GRID2: variants seen among roughly 807,000 people sequenced by gnomAD.
GRID2 encodes the protein glutamate receptor ionotropic, delta-2.
Under a neutral mutation model 114.8 loss-of-function variants are expected in GRID2, and 33 were observed. The ratio of observed to expected loss-of-function variants is 0.29; its 90% CI spans 0.22 to 0.38. The LOEUF (loss-of-function observed/expected upper bound fraction) is 0.38, where lower values mean the gene tolerates loss of function less well. GRID2 is among the 10% of genes least tolerant of loss of function. The probability of loss-of-function intolerance (pLI) is 1.00; values close to 1 mark genes in which losing one functional copy is unlikely to be tolerated. For missense variants in GRID2, 1,184 were observed against 1,257.7 expected (o/e 0.94, Z 0.89); for synonymous variants, 505 against 449.9 (o/e 1.12, Z -1.55).
intron 2 of GRID2, among the ~76,000 whole-genome samples, chr4:92,594,267 A>T (rs1245510494): frequency 2.0e-5 from 3 of 151,854 alleles, no homozygotes; most frequent in African/African-American, 4.8e-5. Flanking sequence ...TTTGATATTT[A>T]TTTGCTATTT....
In GRID2 at chr4:93,211,573, C is replaced by T. The variant is rs74440585; in HGVS notation, c.789+4116C>T. Among the ~76,000 whole-genome samples the T allele has an allele frequency of 3.9e-3, 590 of 152,192 alleles. 4 individuals carry two copies. The highest frequency in any genetic ancestry group is 0.013 in the African/African-American group (552 of 41,552). The stretch of plus-strand genomic sequence containing the variant: ...AAGGAGACCTCAATTATTTTCTTAT[C>T]CTTCAAACTTAGGTTTTCTACTGTG... On this transcript the variant is annotated intron_variant, in intron 5 of 15. Transcript: ENST00000282020.
chr4:93,501,828 C>T (rs1362775466), intron 12 of GRID2, among the ~76,000 whole-genome samples: 1 of 152,016 alleles, frequency 6.6e-6, no homozygotes, highest in East Asian at 1.9e-4. Flanking sequence ...CAAGATGAAT[C>T]ATTCTAGACA....
intron 2 of GRID2, among the ~76,000 whole-genome samples, chr4:92,807,798 C>T (rs1486554260): frequency 6.6e-6 from 1 of 151,890 alleles, no homozygotes; most frequent in East Asian, 1.9e-4. Context: ...CATTTACCCA[C>T]ATGTTTATGT....
intron 8 of GRID2, among the ~76,000 whole-genome samples, chr4:93,367,501 A>T (rs1762456643): frequency 6.6e-6 from 1 of 152,184 alleles, no homozygotes; most frequent in Non-Finnish European, 1.5e-5. Context: ...GAAAATTACC[A>T]CATCCTTGGT....
chr4:92,756,291 A>G (rs1444793628), intron 2 of GRID2, among the ~76,000 whole-genome samples: 1 of 152,056 alleles, frequency 6.6e-6, no homozygotes, highest in Non-Finnish European at 1.5e-5. Context: ...TTTTTTAGCT[A>G]AATAGTATTT....
intron 13 of GRID2, among the ~76,000 whole-genome samples, chr4:93,531,195 G>A (rs1424197151): frequency 1.3e-5 from 2 of 152,050 alleles, no homozygotes. Flanking sequence ...CGAAGGCTAG[G>A]CTCAAACAAA....
At chr4:93,598,773 C>CTTTCTG (rs1169213698) in intron 13 of GRID2, among the ~76,000 whole-genome samples, 1 of 152,242 alleles carries the variant, frequency 6.6e-6, no homozygotes, top group African/African-American at 2.4e-5. Flanking sequence ...TCTTTCATAG[C>CTTTCTG]TTTCTGTTTC....
chr4:92,844,540 AATC>A (rs368354187), intron 2 of GRID2, among the ~76,000 whole-genome samples: 1 of 151,860 alleles, frequency 6.6e-6, no homozygotes, highest in African/African-American at 2.4e-5. Context: ...CTCTGTCTCT[AATC>A]ATCATCATCA....
At chr4:92,964,743 C>T (rs1473528349) in intron 2 of GRID2, among the ~76,000 whole-genome samples, 1 of 151,930 alleles carries the variant, frequency 6.6e-6, no homozygotes, top group Non-Finnish European at 1.5e-5. Flanking sequence ...CTGAAGCTTT[C>T]TGACCTCTCT....
intron 4 of GRID2, among the ~76,000 whole-genome samples, chr4:93,172,802 A>T (rs565605671): frequency 1.3e-5 from 2 of 152,242 alleles, no homozygotes; most frequent in Admixed American, 1.3e-4. Flanking sequence ...CCAAGACCAA[A>T]TGAGTCTCAG....
intron 2 of GRID2, among the ~76,000 whole-genome samples, chr4:92,855,264 C>A (rs1744095610): frequency 1.3e-5 from 2 of 152,000 alleles, no homozygotes; most frequent in South Asian, 4.1e-4. Context: ...CTGTATGTCA[C>A]TTTAGAGATA....
intron 4 of GRID2, among the ~76,000 whole-genome samples, chr4:93,144,044 T>C (rs116074761): frequency 0.012 from 1,776 of 152,306 alleles, 28 homozygotes; most frequent in African/African-American, 0.04. Context: ...AGCATGCATC[T>C]GAATTACTTG....
intron 13 of GRID2, among the ~76,000 whole-genome samples, chr4:93,526,898 T>G (rs1219504618): frequency 6.6e-6 from 1 of 152,204 alleles, no homozygotes; most frequent in Non-Finnish European, 1.5e-5. Flanking sequence ...ATGAATACAA[T>G]TTTTGTTTAA....
At chr4:92,425,050 A>C (rs1386774608) in intron 1 of GRID2, among the ~76,000 whole-genome samples, 1 of 152,002 alleles carries the variant, frequency 6.6e-6, no homozygotes, top group South Asian at 2.1e-4. Context: ...AATTCAGCAG[A>C]ATCTTTTAGG....
At position 92,442,376 on chromosome 4, in the gene GRID2, C is replaced by T. The variant is rs186721533; in HGVS notation, c.88+137632C>T. Among the ~76,000 whole-genome samples, 1,284 of 152,044 alleles carry T rather than the reference C, an allele frequency of 8.4e-3. 17 individuals are homozygous for T. The highest frequency in any genetic ancestry group is 0.027 in the African/African-American group (1,116 of 41,448). On this transcript the variant is annotated intron_variant, in intron 1 of 15. Transcript: ENST00000282020. ...ATGGGACACGGCTTAGGAGGAATTC[C>T]GGGCTGCGGGCATTCCTTGGCCCGG...
intron 1 of GRID2, among the ~76,000 whole-genome samples, chr4:92,356,944 T>C (rs1728358866): frequency 6.6e-6 from 1 of 151,852 alleles, no homozygotes; most frequent in Non-Finnish European, 1.5e-5. Context: ...AAGGTTGGAA[T>C]ACCATATTCT....
chr4:93,049,213 A>G (rs1726451820), intron 2 of GRID2, among the ~76,000 whole-genome samples: 1 of 152,086 alleles, frequency 6.6e-6, no homozygotes, highest in African/African-American at 2.4e-5. Context: ...GTTTTAAAAT[A>G]AGTTATGAAT....
intron 4 of GRID2, among the ~76,000 whole-genome samples, chr4:93,174,151 A>G (rs1739117962): frequency 6.6e-6 from 1 of 152,274 alleles, no homozygotes; most frequent in Admixed American, 6.5e-5. Flanking sequence ...ATGTATGTGT[A>G]TGTTTAACTC....
At chr4:93,002,273 A>G (rs1035868465) in intron 2 of GRID2, among the ~76,000 whole-genome samples, 6 of 151,784 alleles carry the variant, frequency 4.0e-5, no homozygotes, top group African/African-American at 1.2e-4. Flanking sequence ...ATTTTAGTAT[A>G]CAAAACAAAT....
Sources: gnomAD v4.1 joint callset for allele counts (sites outside exome capture counted in the v4.1 genomes callset) on GRCh38, gnomAD v4.1.1 for gene constraint, MANE v1.5 for transcripts, NCBI Gene and HGNC (gene_info 2026-07-23, HGNC 2026-07-21) for gene names.